GALNS: variants seen among roughly 807,000 people sequenced by gnomAD.
GALNS encodes the protein N-acetylgalactosamine-6-sulfatase.
In GALNS, 65 loss-of-function variants were observed where a neutral mutation model predicts 65.9. The ratio of observed to expected loss-of-function variants is 0.99; its 90% CI spans 0.81 to 1.21. GALNS has a LOEUF of 1.21. Ranked by LOEUF, GALNS falls within the 50% of genes most tolerant of loss-of-function variation. GALNS has a pLI of 0.00. For synonymous variants in GALNS, 346 were observed against 288.9 expected (o/e 1.20, Z -2.00); for missense variants, 776 against 700.7 (o/e 1.11, Z -1.21).
intron 8 of GALNS, among the ~76,000 whole-genome samples, chr16:88,833,635 A>G (rs1911755717): frequency 1.3e-5 from 2 of 151,850 alleles, no homozygotes; most frequent in Admixed American, 1.3e-4. Context: ...GTTTTTCAGT[A>G]GAGATGGGGT....
chr16:88,836,499 C>T (rs1250432545), intron 5 of GALNS, among the ~76,000 whole-genome samples: 4 of 152,120 alleles, frequency 2.6e-5, no homozygotes, highest in Non-Finnish European at 5.9e-5. Context: ...ACTAAAAATA[C>T]AAAAATTAGC....
chr16:88,846,754 G>A (rs1967265187), intron 1 of GALNS, among the ~76,000 whole-genome samples: 1 of 152,182 alleles, frequency 6.6e-6, no homozygotes, highest in Middle Eastern at 3.4e-3. Context: ...TGTTGGCCAG[G>A]CTGGTCTCGA....
intron 13 of GALNS, chr16:88,816,396 G>A: frequency 3.0e-6 from 3 of 985,430 alleles, no homozygotes; most frequent in Non-Finnish European, 3.6e-6. Flanking sequence ...CCGAGACTCA[G>A]GGGTCCTGAG....
chr16:88,855,959 G>T, intron 1 of GALNS: 1 of 581,862 alleles, frequency 1.7e-6, no homozygotes, highest in Non-Finnish European at 3.1e-6. Context: ...AACCCCCCAG[G>T]TGTGGCAGCT....
chr16:88,826,303 G>T (rs1216994296), intron 10 of GALNS, among the ~76,000 whole-genome samples: 1 of 148,824 alleles, frequency 6.7e-6, no homozygotes, highest in Non-Finnish European at 1.5e-5. Context: ...GCGGACAGGG[G>T]CGGCGTGTGT....
At position 88,835,368 on chromosome 16, in the gene GALNS, A is replaced by C. The variant is rs1280203595; in HGVS notation, c.759-16T>G. 6.2e-7 allele frequency: 1 copy of C among 1,613,306 alleles called. No homozygotes were observed. Among genetic ancestry groups the C allele is most frequent in the South Asian group, 1.1e-5 (1 of 90,808 alleles). Reference sequence around the variant, plus strand: ...GTCTCCATACCTGCAGGATGGTGACAAAAGGCATCTCCATACCTGGAGGAT... The same window carrying C: ...GTCTCCATACCTGCAGGATGGTGACCAAAGGCATCTCCATACCTGGAGGAT... On this transcript the variant is annotated splice_polypyrimidine_tract_variant and intron_variant, in intron 7 of 13. Transcript: ENST00000268695.
chr16:88,819,101 G>A (rs77895967), intron 12 of GALNS, among the ~76,000 whole-genome samples: 6,337 of 152,334 alleles, frequency 0.042, 164 homozygotes, highest in South Asian at 0.083. Flanking sequence ...CAGTCTGTGA[G>A]AACTGGCTTT....
chr16:88,842,687 G>C lies in GALNS; in HGVS notation c.244+19C>G. The C allele has an allele frequency of 6.2e-7, 1 of 1,610,984 alleles. No homozygotes were observed. The highest frequency in any genetic ancestry group is 8.5e-7 in the Non-Finnish European group (1 of 1,178,976). On this transcript the variant is annotated intron_variant, in intron 2 of 13. Coordinates refer to ENST00000268695, the MANE Select transcript of GALNS (RefSeq NM_000512.5). ...GTTGGGCTCACCCCTTCCTGGGGGC[G>C]AGGGCCCCGCTGACTTACATGGCGA...
rs2142982032 is a variant in GALNS at position 88,818,002 on chromosome 16, C to T, written c.1482+5G>A. On this transcript the variant is annotated splice_donor_5th_base_variant and intron_variant, in intron 13 of 13. Transcript: ENST00000268695. ...GAGACGGCCGCCCACACACCAGCCA[C>T]TTACCATGACCGCCCAGTTGCACAC... The T allele has an allele frequency of 1.3e-6, 2 of 1,578,074 alleles. No individual in the cohort carries two copies. Among genetic ancestry groups the T allele is most frequent in the Non-Finnish European group, 1.7e-6 (2 of 1,167,766 alleles).
chr16:88,832,945 G>C (rs902329410), intron 8 of GALNS, among the ~76,000 whole-genome samples: 1 of 151,762 alleles, frequency 6.6e-6, no homozygotes, highest in Non-Finnish European at 1.5e-5. Flanking sequence ...TGGGTGTGGC[G>C]GCACGTCCTG....
intron 1 of GALNS, chr16:88,855,364 A>G (rs1388837437): frequency 4.3e-6 from 3 of 702,204 alleles, no homozygotes; most frequent in African/African-American, 1.7e-5. Context: ...GAAACAAAGT[A>G]TCTACACTGG....
intron 1 of GALNS, chr16:88,855,358 C>G (rs528617396): frequency 5.7e-6 from 4 of 700,874 alleles, no homozygotes; most frequent in African/African-American, 5.2e-5. Context: ...AATTCTGAAA[C>G]AAAGTATCTA....
chr16:88,823,436 C>G lies in GALNS; in HGVS notation c.1243-726G>C, dbSNP rs551866126. Among the ~76,000 whole-genome samples, 332 of 152,350 alleles carry G rather than the reference C, an allele frequency of 2.2e-3. 2 individuals are homozygous for G. Among genetic ancestry groups the G allele is most frequent in the African/African-American group, 7.5e-3 (312 of 41,580 alleles). On this transcript the variant is annotated intron_variant, in intron 11 of 13. Transcript: ENST00000268695. Reference sequence around the variant, plus strand: ...TCTAACATTCCCAGAGCGGGTGCTGCAGGCCAAGGGGCTCGTCCGAGGACT... The same window carrying G: ...TCTAACATTCCCAGAGCGGGTGCTGGAGGCCAAGGGGCTCGTCCGAGGACT...
chr16:88,815,007 A>C (rs1352395213), intron 13 of GALNS: 1 of 984,022 alleles, frequency 1.0e-6, no homozygotes, highest in African/African-American at 1.7e-5. Flanking sequence ...TGCTGGGATT[A>C]TAGGCGTGAG....
rs558756559 is a variant in GALNS at position 88,813,945 on chromosome 16, C to G, written c.*494G>C. 2.0e-5 allele frequency: 4 copies of G among 201,806 alleles called. No homozygotes were observed. Among genetic ancestry groups the G allele is most frequent in the Admixed American group, 1.1e-4 (2 of 18,986 alleles). The allele number at this position is 201,806 out of a possible 1,614,324, so 12.5% of individuals were successfully genotyped here. ...TTCCCTTACTGTTTACATAAAAATG[C>G]GGATTCACTGGGCCAGACTCAATCG... On this transcript the variant is annotated 3_prime_UTR_variant, in exon 14 of 14. Coordinates refer to ENST00000268695, the MANE Select transcript of GALNS (RefSeq NM_000512.5).
Position 88,818,023 on chromosome 16 carries a change from C to A in GALNS, c.1466G>T (p.Cys489Phe). 1 of 1,583,130 alleles carries A rather than the reference C, an allele frequency of 6.3e-7. No homozygotes were observed. The highest frequency in any genetic ancestry group is 1.8e-5 in the Admixed American group (1 of 56,980). ...LVPAQPQLNVCNWAVMNWAPP... is the reference protein window; with the variant it reads ...LVPAQPQLNVFNWAVMNWAPP... ...GCCACTTACCATGACCGCCCAGTTG[C>A]ACACGTTGAGCTGGGGCTGCGCGGG... The change falls in exon 13 of 14, where the codon TGC becomes TTC. Residue 489 changes from cysteine (C) to phenylalanine (F), a missense_variant. Transcript: ENST00000268695.
At chr16:88,822,790 G>A in intron 11 of GALNS, 80 bp from the exon 12 acceptor site, 1 of 1,564,420 alleles carries the variant, frequency 6.4e-7, no homozygotes. Flanking sequence ...GTGTCCTGGA[G>A]CCCCTGACTG....
rs902861694 is a variant in GALNS, at chr16:88,842,241, C to T, written c.245-270G>A. ...CCTCCTTTCGCAGGCTCCTGGGACA[C>T]CCACTGGGCGTGCAGGTCCACACGC... On this transcript the variant is annotated intron_variant, in intron 2 of 13. Transcript: ENST00000268695. 1.1e-4 allele frequency: 63 copies of T among 587,530 alleles called. 1 individual carries two copies. The African/African-American group carries it at 1.1e-3, about 10-fold the overall frequency. The allele number at this position is 587,530 out of a possible 1,614,324, so 36.4% of individuals were successfully genotyped here.
chr16:88,831,874 GGGA>G, intron 9 of GALNS, 121 bp downstream of exon 9: 1 of 787,190 alleles, frequency 1.3e-6, no homozygotes, highest in East Asian at 2.7e-5. Flanking sequence ...AGGGTGCGTG[GGGA>G]GGAGAGCGGT....
Sources: allele counts gnomAD v4.1 joint callset (sites outside exome capture counted in the v4.1 genomes callset), GRCh38; gene constraint gnomAD v4.1.1; transcripts MANE v1.5; gene names NCBI Gene and HGNC (gene_info 2026-07-23, HGNC 2026-07-21).